Variants in LXN observed in about 807,000 individuals in gnomAD.
LXN encodes the protein latexin, also known as MUM.
A neutral mutation model predicts 29.8 loss-of-function variants in LXN; 28 were observed. The observed-to-expected ratio is 0.94, with a 90% CI of 0.70 to 1.29. The LOEUF (loss-of-function observed/expected upper bound fraction) is 1.29, where lower values mean the gene tolerates loss of function less well. Among genes scored for constraint, LXN ranks in the 50% most tolerant of loss-of-function variants. LXN has a pLI of 0.00. For missense variants in LXN, 227 were observed against 261.7 expected, an observed-to-expected ratio of 0.87 and a Z score of 0.92; for synonymous variants, 77 against 89.6, an observed-to-expected ratio of 0.86 and a Z score of 0.80.
chr3:158,667,971 A>C (rs993020297), intron 4 of LXN, among the ~76,000 whole-genome samples: 1 of 152,234 alleles, frequency 6.6e-6, no homozygotes, highest in Non-Finnish European at 1.5e-5. Context: ...TAAGGGAAAT[A>C]ATCTGTATTA....
intron 4 of LXN, among the ~76,000 whole-genome samples, chr3:158,667,887 G>A (rs1041242338): frequency 6.6e-6 from 1 of 152,124 alleles, no homozygotes; most frequent in Non-Finnish European, 1.5e-5. Context: ...TTTCTGTACT[G>A]TACAGTAGAG....
Position 158,666,474 on chromosome 3 carries a change from CA to C in LXN, c.*171del. On this transcript the variant is annotated 3_prime_UTR_variant, in exon 6 of 6. Coordinates refer to ENST00000264265, the MANE Select transcript of LXN (RefSeq NM_020169.4). ...CATACCACTATTACTGTTTTAAAGACATTTTTATGTAGTGATACTTTGTATT... is the reference window on the plus strand; with the variant it reads ...CATACCACTATTACTGTTTTAAAGACTTTTTATGTAGTGATACTTTGTATT... The C allele has an allele frequency of 8.2e-7, 1 of 1,219,344 alleles. No homozygotes were observed. The highest frequency in any genetic ancestry group is 1.2e-6 in the Non-Finnish European group (1 of 825,166). The allele number at this position is 1,219,344 out of a possible 1,614,324, so 75.5% of individuals were successfully genotyped here.
In LXN at chr3:158,672,397, G is replaced by T. The variant is rs755701207; in HGVS notation, c.82C>A (p.Pro28Thr). The T allele has an allele frequency of 1.9e-6, 3 of 1,614,080 alleles. No homozygotes were observed. In the East Asian group the frequency reaches 6.7e-5, roughly 36 times the overall value. Residue 28 changes from proline (P) to threonine (T), a missense_variant, in exon 1 of 6, where the codon CCG becomes ACG. Transcript: ENST00000264265. ...TTCTGCACCTCAAACACCCTGTGCG[G>T]GGTCCCCTGCTGGTAGTTGATGTAG... ...QNYINYQQGT[P>T]HRVFEVQKVK...
intron 3 of LXN, 88 bp from the exon 4 acceptor site, chr3:158,669,220 C>T (rs1724025093): frequency 7.2e-7 from 1 of 1,384,848 alleles, no homozygotes; most frequent in Non-Finnish European, 9.9e-7. Flanking sequence ...GTCTTAGTTT[C>T]CTTCGAATGT....
In LXN at chr3:158,666,760, A is replaced by G. The variant is rs773263389; in HGVS notation, c.571-16T>C. On this transcript the variant is annotated splice_polypyrimidine_tract_variant and intron_variant, in intron 5 of 5. Transcript: ENST00000264265. ...GAATAATCTCCTGCAAGTGAAGAAA[A>G]TTAATGCCATGATAAAATTCAGAAA... 1.8e-5 allele frequency: 28 copies of G among 1,598,578 alleles called. No homozygotes were observed. Among genetic ancestry groups the G allele is most frequent in the Non-Finnish European group, 2.3e-5 (27 of 1,166,470 alleles).
At chr3:158,669,319 G>A in intron 3 of LXN, 114 bp downstream of exon 3, 1 of 1,229,734 alleles carries the variant, frequency 8.1e-7, no homozygotes, top group East Asian at 2.5e-5. Flanking sequence ...GAGTATTTTT[G>A]CAAAAGCCTG....
At position 158,666,638 on chromosome 3, in the gene LXN, GT is replaced by G. The variant is rs1009349390; in HGVS notation, c.*7del. ...ACATGTTTACACTTCCAGTGTTAGG[GT>G]TTTTGTTTATTCCAGTTGTACTTCC... On this transcript the variant is annotated 3_prime_UTR_variant, in exon 6 of 6. Transcript: ENST00000264265. The G allele has an allele frequency of 1.9e-6, 3 of 1,609,146 alleles. No homozygotes were observed. The highest frequency in any genetic ancestry group is 1.3e-5 in the African/African-American group (1 of 74,772).
At position 158,669,073 on chromosome 3, in the gene LXN, AG is replaced by A. The variant is rs749557537; in HGVS notation, c.429del (p.Cys144ValfsTer4). ...MTLVLHLAWV[A>X]CGYIIWQNST... is the part of the protein sequence containing the mutation. Reference sequence around the variant, plus strand: ...GAATTTTGCCATATTATATAACCACAGGCAACCCAGGCTAAATGTAGAACGA... The same window carrying A: ...GAATTTTGCCATATTATATAACCACAGCAACCCAGGCTAAATGTAGAACGA... On this transcript the variant is annotated frameshift_variant, in exon 4 of 6. Transcript: ENST00000264265. LOFTEE classifies it high-confidence loss of function. 1 of 1,613,692 alleles carries A rather than the reference AG, an allele frequency of 6.2e-7. No homozygotes were observed. Among genetic ancestry groups the A allele is most frequent in the African/African-American group, 1.3e-5 (1 of 75,032 alleles).
intron 1 of LXN, 89 bp downstream of exon 1, chr3:158,672,261 G>A: frequency 3.3e-6 from 5 of 1,520,960 alleles, no homozygotes; most frequent in Non-Finnish European, 4.5e-6. Context: ...GTGGCACGGA[G>A]TGTCTGCACC....
chr3:158,669,496 C>G lies in LXN; in HGVS notation c.307G>C (p.Asp103His). 1 of 1,613,932 alleles carries G rather than the reference C, an allele frequency of 6.2e-7. No individual in the cohort carries two copies. Among genetic ancestry groups the G allele is most frequent in the Non-Finnish European group, 8.5e-7 (1 of 1,179,890 alleles). Residue 103 changes from aspartate (D) to histidine (H), a missense_variant, in exon 3 of 6, where the codon GAC becomes CAC. Transcript: ENST00000264265. ...TTAAGTCTTTGATAAAATGTGTTGT[C>G]TTCTTCATCTGGATTCTTTCCAGTT... is the stretch of plus-strand genomic sequence containing the variant. The part of the protein sequence containing the change: ...GETGKNPDEE[D>H]NTFYQRLKSM...
intron 1 of LXN, among the ~76,000 whole-genome samples, chr3:158,672,006 A>T (rs917379121): frequency 6.6e-6 from 1 of 152,180 alleles, no homozygotes; most frequent in Non-Finnish European, 1.5e-5. Context: ...GCAGATGAGA[A>T]ACGTGGCAGC....
rs1402498703 is a variant in LXN, at chr3:158,672,493, G to A, written c.-15C>T. ...GGGATTTCCATTCCGGATGAGCAGT[G>A]ACTTCAGGGCTTGGGCTACTCTGGC... On this transcript the variant is annotated 5_prime_UTR_variant, in exon 1 of 6. Transcript: ENST00000264265. 1.9e-6 allele frequency: 3 copies of A among 1,613,592 alleles called. No individual in the cohort carries two copies. Among genetic ancestry groups the A allele is most frequent in the Non-Finnish European group, 1.7e-6 (2 of 1,179,696 alleles).
rs759878277 is a variant in LXN at position 158,666,426 on chromosome 3, T to G, written c.*220A>C. ...TAATTAAACATTATGAGGCTGAAAT[T>G]GAAGCTTTTTATTTTGGATATACAT... On this transcript the variant is annotated 3_prime_UTR_variant, in exon 6 of 6. Coordinates refer to ENST00000264265, the MANE Select transcript of LXN (RefSeq NM_020169.4). 5 of 1,527,672 alleles carry G rather than the reference T, an allele frequency of 3.3e-6. No individual in the cohort carries two copies. The highest frequency in any genetic ancestry group is 1.1e-5 in the South Asian group (1 of 89,146). The allele number at this position is 1,527,672 out of a possible 1,614,324, so 94.6% of individuals were successfully genotyped here.
At chr3:158,666,941 A>G (rs1723751462) in intron 5 of LXN, 71 bp downstream of exon 5, 1 of 1,542,132 alleles carries the variant, frequency 6.5e-7, no homozygotes, top group Non-Finnish European at 8.7e-7. Context: ...AAAATTAATA[A>G]AGCATACTGT....
chr3:158,668,378 A>AT (rs916670133), intron 4 of LXN, among the ~76,000 whole-genome samples: 2 of 151,910 alleles, frequency 1.3e-5, no homozygotes, highest in African/African-American at 4.8e-5. Context: ...GCTACCATCC[A>AT]TTTTTTTCCC....
Position 158,669,001 on chromosome 3 carries a change from G to A in LXN, c.502C>T (p.Gln168Ter), listed in dbSNP as rs761652058. ...ATTTTATAGAAACTACTTACCACTT[G>A]CTTGACAGTTTGAATTTTTACCATT... ...YKMVKIQTVK[Q>*]VQRNDDFIEL... Residue 168 changes from glutamine (Q) to a stop codon, truncating the protein, a stop_gained, in exon 4 of 6, where the codon CAA (glutamine) becomes TAA (stop). Coordinates refer to ENST00000264265, the MANE Select transcript of LXN (RefSeq NM_020169.4). LOFTEE classifies it high-confidence loss of function. The A allele has an allele frequency of 6.2e-6, 10 of 1,609,892 alleles. No individual in the cohort carries two copies. The highest frequency in any genetic ancestry group is 1.1e-5 in the South Asian group (1 of 90,282).
In LXN at chr3:158,672,445, TGG is replaced by T. The variant is rs762440865; in HGVS notation, c.32_33del (p.Ser11Ter). ...TAGTTCTGTGCCACCAAGGCCGCCC[TGG>T]AGGCTGGGTAGTTGGTCGGCGGGAT... Reference protein sequence around the residue: MEIPPTNYPASRAALVAQNYI... With the variant: MEIPPTNYPAXRAALVAQNYI... On this transcript the variant is annotated frameshift_variant, in exon 1 of 6. Coordinates refer to ENST00000264265, the MANE Select transcript of LXN (RefSeq NM_020169.4). LOFTEE classifies it high-confidence loss of function. 6.2e-7 allele frequency: 1 copy of T among 1,614,024 alleles called. No individual in the cohort carries two copies. Among genetic ancestry groups the T allele is most frequent in the South Asian group, 1.1e-5 (1 of 91,088 alleles).
At chr3:158,666,873 T>C (rs1457672371) in intron 5 of LXN, 129 bp from the exon 6 acceptor site, 1 of 1,445,498 alleles carries the variant, frequency 6.9e-7, no homozygotes, top group Non-Finnish European at 9.4e-7. Context: ...ATTGCTGCAA[T>C]TATAATATAC....
chr3:158,667,432 A>G (rs1723817428), intron 4 of LXN, among the ~76,000 whole-genome samples: 1 of 152,234 alleles, frequency 6.6e-6, no homozygotes, highest in Non-Finnish European at 1.5e-5. Flanking sequence ...GGGATAAGCT[A>G]TAGCAATGGG....
Sources: gnomAD v4.1 joint callset for allele counts (sites outside exome capture counted in the v4.1 genomes callset) on GRCh38, gnomAD v4.1.1 for gene constraint, MANE v1.5 for transcripts, NCBI Gene and HGNC (gene_info 2026-07-23, HGNC 2026-07-21) for gene names.